Variants in FGF14 observed in about 807,000 individuals in gnomAD.
The protein encoded by FGF14 is fibroblast growth factor 14.
A neutral mutation model predicts 25.5 loss-of-function variants in FGF14; 5 were observed. The observed-to-expected ratio is 0.20, with a 90% CI of 0.10 to 0.41. FGF14 has a LOEUF of 0.41. FGF14 is among the 10% of genes least tolerant of loss of function. The pLI, the probability that FGF14 is intolerant of heterozygous loss-of-function variation, is 1.00. For missense variants in FGF14, 222 were observed against 320.1 expected (o/e 0.69, Z 2.34); for synonymous variants, 138 against 118.3 (o/e 1.17, Z -1.08).
chr13:101,965,246 A>G (rs550552093), intron 1 of FGF14, among the ~76,000 whole-genome samples: 1 of 124,734 alleles, frequency 8.0e-6, no homozygotes, highest in African/African-American at 2.8e-5. Flanking sequence ...AAGACTGTCT[A>G]AAAAAAAAAA....
At chr13:101,822,973 C>T (rs2140245218) in intron 3 of FGF14, among the ~76,000 whole-genome samples, 1 of 152,280 alleles carries the variant, frequency 6.6e-6, no homozygotes, top group South Asian at 2.1e-4. Flanking sequence ...TGTGTGACAA[C>T]ATATGATATT....
chr13:102,321,599 A>T lies in FGF14; in HGVS notation c.208+79872T>A, dbSNP rs7992092. Reference sequence around the variant, plus strand: ...AGTACGTTTGTGTGCATGTGAGATTATTACAAGCAAAGGTAACTGAATAGG... The same window carrying T: ...AGTACGTTTGTGTGCATGTGAGATTTTTACAAGCAAAGGTAACTGAATAGG... On this transcript the variant is annotated intron_variant, in intron 1 of 4. Transcript: ENST00000376131. 3.4e-3 allele frequency among the ~76,000 whole-genome samples: 520 copies of T among 152,248 alleles called. 1 individual carries two copies. The highest frequency in any genetic ancestry group is 0.012 in the African/African-American group (488 of 41,558).
At chr13:102,382,749 A>T (rs1191304992) in intron 1 of FGF14, among the ~76,000 whole-genome samples, 3 of 152,146 alleles carry the variant, frequency 2.0e-5, no homozygotes, top group Non-Finnish European at 2.9e-5. Context: ...AATGAATTTT[A>T]AAAAGGGGTA....
At chr13:101,965,075 T>A (rs1258599337) in intron 1 of FGF14, among the ~76,000 whole-genome samples, 2 of 151,934 alleles carry the variant, frequency 1.3e-5, no homozygotes, top group East Asian at 3.9e-4. Flanking sequence ...GACCCCCTTG[T>A]CTACTAAAAA....
At chr13:101,758,427 A>T (rs186952127) in intron 3 of FGF14, among the ~76,000 whole-genome samples, 3 of 152,304 alleles carry the variant, frequency 2.0e-5, no homozygotes, top group African/African-American at 7.2e-5. Context: ...AAATCACTGC[A>T]CCAAGTTAGA....
At chr13:102,038,970 C>T (rs748640043) in intron 1 of FGF14, among the ~76,000 whole-genome samples, 5 of 152,132 alleles carry the variant, frequency 3.3e-5, no homozygotes, top group Non-Finnish European at 5.9e-5. Context: ...AGGTGCTGTA[C>T]TACTGGTAGT....
At chr13:102,029,098 G>A (rs569991008) in intron 1 of FGF14, among the ~76,000 whole-genome samples, 59 of 152,108 alleles carry the variant, frequency 3.9e-4, no homozygotes, top group Non-Finnish European at 7.7e-4. Flanking sequence ...TGGTAACTTC[G>A]CTGGCTTGGA....
At chr13:101,996,465 G>A (rs2039193458) in intron 1 of FGF14, among the ~76,000 whole-genome samples, 1 of 152,074 alleles carries the variant, frequency 6.6e-6, no homozygotes, top group Admixed American at 6.6e-5. Context: ...AAATGATGAG[G>A]AGAAAAAGAG....
intron 1 of FGF14, among the ~76,000 whole-genome samples, chr13:102,068,504 T>C (rs1293325853): frequency 6.6e-6 from 1 of 152,118 alleles, no homozygotes; most frequent in Non-Finnish European, 1.5e-5. Flanking sequence ...CAGGGCTGCG[T>C]ACAGTGCTTG....
chr13:101,712,058 G>T lies in FGF14; in HGVS notation c.*10773C>A, dbSNP rs557332342. 4 of 152,310 alleles carry T rather than the reference G, an allele frequency of 2.6e-5. No homozygotes were observed. The highest frequency in any genetic ancestry group is 5.9e-5 in the Non-Finnish European group (4 of 68,050). The allele number at this position is 152,310 out of a possible 1,614,324, so 9.4% of individuals were successfully genotyped here. On this transcript the variant is annotated 3_prime_UTR_variant, in exon 5 of 5. Coordinates refer to ENST00000376143, the MANE Select transcript of FGF14 (RefSeq NM_004115.4). ...TTAAGAGAGGCACAATTTGACCCATGTTATGGAAGAAAACAGCTAGAGCGT... is the reference window on the plus strand; with the variant it reads ...TTAAGAGAGGCACAATTTGACCCATTTTATGGAAGAAAACAGCTAGAGCGT...
intron 3 of FGF14, among the ~76,000 whole-genome samples, chr13:101,727,735 T>G (rs1427783394): frequency 6.6e-6 from 1 of 152,066 alleles, no homozygotes; most frequent in African/African-American, 2.4e-5. Context: ...TTGATAGCCC[T>G]CTATTAAAAA....
At chr13:101,785,893 G>A (rs1012650213) in intron 3 of FGF14, among the ~76,000 whole-genome samples, 1 of 152,124 alleles carries the variant, frequency 6.6e-6, no homozygotes, top group African/African-American at 2.4e-5. Flanking sequence ...TATGTTTTAG[G>A]ACATAGAGTG....
intron 3 of FGF14, among the ~76,000 whole-genome samples, chr13:101,762,363 C>T (rs537881923): frequency 2.0e-5 from 3 of 152,262 alleles, no homozygotes; most frequent in African/African-American, 7.2e-5. Flanking sequence ...TCCCAACCTT[C>T]GGACCGAGTT....
chr13:101,904,398 G>C (rs2031977920), intron 1 of FGF14, among the ~76,000 whole-genome samples: 1 of 152,132 alleles, frequency 6.6e-6, no homozygotes, highest in South Asian at 2.1e-4. Flanking sequence ...CCTATCTCTG[G>C]AGATGCCAAT....
chr13:102,207,064 G>A (rs2049958630), intron 1 of FGF14, among the ~76,000 whole-genome samples: 1 of 152,092 alleles, frequency 6.6e-6, no homozygotes, highest in Non-Finnish European at 1.5e-5. Context: ...GGCAGATCGT[G>A]AGGCCAAGAG....
At chr13:102,059,373 C>A (rs940922628) in intron 1 of FGF14, among the ~76,000 whole-genome samples, 2 of 152,194 alleles carry the variant, frequency 1.3e-5, no homozygotes, top group African/African-American at 2.4e-5. Context: ...ACCACACCAA[C>A]CAGCAGGCAA....
intron 1 of FGF14, among the ~76,000 whole-genome samples, chr13:102,337,516 C>T (rs2056821651): frequency 6.6e-6 from 1 of 152,062 alleles, no homozygotes; most frequent in Non-Finnish European, 1.5e-5. Flanking sequence ...GTTGTTGAAA[C>T]AACAATACAG....
intron 1 of FGF14, among the ~76,000 whole-genome samples, chr13:102,214,291 T>C (rs1225726050): frequency 7.2e-5 from 11 of 152,260 alleles, no homozygotes; most frequent in African/African-American, 2.7e-4. Context: ...ATGTTGTCAT[T>C]TTTTAAAGTT....
intron 1 of FGF14, among the ~76,000 whole-genome samples, chr13:102,071,754 A>G (rs1595175261): frequency 6.6e-6 from 1 of 152,278 alleles, no homozygotes; most frequent in African/African-American, 2.4e-5. Context: ...CCTACTGAGT[A>G]ATGATATAGT....
Sources: gnomAD v4.1 joint callset for allele counts (sites outside exome capture counted in the v4.1 genomes callset) on GRCh38, gnomAD v4.1.1 for gene constraint, MANE v1.5 for transcripts, NCBI Gene and HGNC (gene_info 2026-07-23, HGNC 2026-07-21) for gene names.